Variants in DLGAP1 observed in about 807,000 individuals in gnomAD.
DLGAP1 encodes the protein disks large-associated protein 1.
DLGAP1 carries 11 observed loss-of-function variants against 90.8 expected under a neutral mutation model. That is an observed-to-expected ratio of 0.12 (90% CI 0.08 to 0.20). The LOEUF (loss-of-function observed/expected upper bound fraction) is 0.20, where lower values mean the gene tolerates loss of function less well. Among genes scored for constraint, DLGAP1 ranks in the 10% least tolerant of loss-of-function variants. The pLI is 1.00. For synonymous variants in DLGAP1, 558 were observed against 540.7 expected (o/e 1.03, Z -0.44); for missense variants, 1,050 against 1,333.8 (o/e 0.79, Z 3.31).
At chr18:3,502,019 C>T (rs2143616213) in intron 12 of DLGAP1, 1 of 342,184 alleles carries the variant, frequency 2.9e-6, no homozygotes, top group Non-Finnish European at 4.0e-6. Flanking sequence ...TATTTTTAGA[C>T]TTGAACAACA....
chr18:4,212,167 T>A (rs1334362229), intron 1 of DLGAP1, among the ~76,000 whole-genome samples: 1 of 152,128 alleles, frequency 6.6e-6, no homozygotes, highest in Non-Finnish European at 1.5e-5. Context: ...GCAGGCAGGT[T>A]GTTGCCCAAT....
intron 2 of DLGAP1, among the ~76,000 whole-genome samples, chr18:4,045,213 A>C (rs754109632): frequency 1.3e-5 from 2 of 152,014 alleles, no homozygotes; most frequent in Non-Finnish European, 2.9e-5. Context: ...TTCTTGCCTT[A>C]GGAGCCATCC....
At chr18:4,307,779 G>T (rs2080298971) in intron 1 of DLGAP1, among the ~76,000 whole-genome samples, 1 of 141,770 alleles carries the variant, frequency 7.1e-6, no homozygotes, top group Non-Finnish European at 1.5e-5. Context: ...GCAGTGGCAT[G>T]ATCTCAGCTC....
intron 2 of DLGAP1, among the ~76,000 whole-genome samples, chr18:4,119,582 G>A (rs1329281641): frequency 6.6e-6 from 1 of 152,170 alleles, no homozygotes; most frequent in African/African-American, 2.4e-5. Context: ...TACGGAATAC[G>A]GTGAGGATGA....
intron 4 of DLGAP1, among the ~76,000 whole-genome samples, chr18:3,815,462 T>C (rs1177345127): frequency 1.3e-5 from 2 of 152,186 alleles, no homozygotes. Context: ...TTCTCCCCTT[T>C]TGGCCTTCTG....
chr18:3,870,833 C>T (rs1203336003), intron 4 of DLGAP1, among the ~76,000 whole-genome samples: 1 of 152,190 alleles, frequency 6.6e-6, no homozygotes, highest in African/African-American at 2.4e-5. Flanking sequence ...ATGTGTTCTG[C>T]TCTATGCATC....
intron 1 of DLGAP1, among the ~76,000 whole-genome samples, chr18:4,176,857 G>A (rs909573696): frequency 2.0e-5 from 3 of 152,180 alleles, no homozygotes; most frequent in Admixed American, 6.5e-5. Context: ...GGTAAATGAT[G>A]GTGATAAAAG....
At chr18:4,407,811 A>C (rs11872996) in intron 1 of DLGAP1, among the ~76,000 whole-genome samples, 2 of 152,068 alleles carry the variant, frequency 1.3e-5, no homozygotes, top group African/African-American at 4.8e-5. Flanking sequence ...TGAATCCAAA[A>C]GGGGGAGGTT....
At chr18:4,214,262 C>T (rs532828104) in intron 1 of DLGAP1, among the ~76,000 whole-genome samples, 2 of 150,822 alleles carry the variant, frequency 1.3e-5, no homozygotes, top group South Asian at 4.2e-4. Flanking sequence ...GAACCGGAGT[C>T]GTGGATTACA....
intron 2 of DLGAP1, among the ~76,000 whole-genome samples, chr18:4,086,672 C>T (rs923862418): frequency 9.2e-5 from 14 of 151,812 alleles, no homozygotes; most frequent in African/African-American, 3.4e-4. Flanking sequence ...TTGTATGTTT[C>T]TAATTCTTTT....
chr18:4,209,123 T>A (rs1598624612), intron 1 of DLGAP1, among the ~76,000 whole-genome samples: 2 of 152,048 alleles, frequency 1.3e-5, no homozygotes, highest in African/African-American at 4.8e-5. Flanking sequence ...GTGAGGCTCA[T>A]GTGGGAATAA....
chr18:3,781,979 G>A (rs192359815), intron 5 of DLGAP1, among the ~76,000 whole-genome samples: 9 of 152,012 alleles, frequency 5.9e-5, no homozygotes, highest in Non-Finnish European at 1.0e-4. Flanking sequence ...TGTTGTTATT[G>A]TTGTTTTTTT....
chr18:3,941,307 T>A (rs893409221), intron 3 of DLGAP1, among the ~76,000 whole-genome samples: 1 of 152,148 alleles, frequency 6.6e-6, no homozygotes, highest in Admixed American at 6.5e-5. Flanking sequence ...GGTTTGGGGC[T>A]CACGATGGAA....
chr18:4,412,153 C>T (rs9303950), intron 1 of DLGAP1, among the ~76,000 whole-genome samples: 88,925 of 151,936 alleles, frequency 0.59, 26,422 homozygotes, highest in African/African-American at 0.69. Flanking sequence ...ATGAGGGAAA[C>T]TGGACATCTC....
chr18:4,449,627 G>T (rs999843252), intron 1 of DLGAP1, among the ~76,000 whole-genome samples: 1 of 152,138 alleles, frequency 6.6e-6, no homozygotes, highest in Non-Finnish European at 1.5e-5. Flanking sequence ...GATATTTGGT[G>T]AACATTCTAT....
rs928767033 is a variant in DLGAP1 at position 3,806,636 on chromosome 18, T to C, written c.1172+7423A>G. Reference sequence around the variant, plus strand: ...CGTTGTCTGCACTTTAACGGGAACATAGATATTAAATTGAATAAATGGCAG... The same window carrying C: ...CGTTGTCTGCACTTTAACGGGAACACAGATATTAAATTGAATAAATGGCAG... On this transcript the variant is annotated intron_variant, in intron 5 of 12. Coordinates refer to ENST00000315677, the MANE Select transcript of DLGAP1 (RefSeq NM_004746.4). Among the ~76,000 whole-genome samples the C allele has an allele frequency of 3.9e-5, 6 of 152,192 alleles. No homozygotes were observed. In the East Asian group the frequency reaches 9.6e-4, roughly 24 times the overall value.
chr18:4,114,318 C>A (rs1262957254), intron 2 of DLGAP1, among the ~76,000 whole-genome samples: 2 of 151,948 alleles, frequency 1.3e-5, no homozygotes, highest in African/African-American at 4.8e-5. Flanking sequence ...TCTTTCACCT[C>A]CTTGGTTAGC....
chr18:4,197,017 A>G (rs2077510116), intron 1 of DLGAP1, among the ~76,000 whole-genome samples: 1 of 151,924 alleles, frequency 6.6e-6, no homozygotes, highest in Admixed American at 6.5e-5. Flanking sequence ...TATTTAAAAT[A>G]CAAAAATCAG....
intron 2 of DLGAP1, among the ~76,000 whole-genome samples, chr18:4,032,387 G>A (rs1353981117): frequency 6.6e-6 from 1 of 152,238 alleles, no homozygotes; most frequent in Admixed American, 6.5e-5. Flanking sequence ...AGCAAACAGT[G>A]CATTAAGCAC....
Sources: allele counts gnomAD v4.1 joint callset (sites outside exome capture counted in the v4.1 genomes callset), GRCh38; gene constraint gnomAD v4.1.1; transcripts MANE v1.5; gene names NCBI Gene and HGNC (gene_info 2026-07-23, HGNC 2026-07-21).